The following DPYSL3 variants were observed in gnomAD, a reference collection of about 807,000 sequenced individuals.
The protein encoded by DPYSL3 is dihydropyrimidinase like 3, also known as dihydropyrimidinase-related protein 3.
Under a neutral mutation model 66.1 loss-of-function variants are expected in DPYSL3, and 16 were observed. The observed-to-expected ratio is 0.24, with a 90% CI of 0.16 to 0.37. The LOEUF (loss-of-function observed/expected upper bound fraction) is 0.37. Among genes scored for constraint, DPYSL3 ranks in the 10% least tolerant of loss-of-function variants. The pLI is 1.00. For synonymous variants in DPYSL3, 338 were observed against 345.1 expected (o/e 0.98, Z 0.23); for missense variants, 738 against 916.2 (o/e 0.81, Z 2.51).
In DPYSL3 at chr5:147,485,286, T is replaced by C. The variant is rs148072205; in HGVS notation, c.381+24192A>G. Among the ~76,000 whole-genome samples, 20 of 152,312 alleles carry C rather than the reference T, an allele frequency of 1.3e-4. No homozygotes were observed. In the East Asian group the frequency reaches 3.7e-3, roughly 28 times the overall value. Reference sequence around the variant, plus strand: ...TTGGAGATTTAGACAAAATTCTTGCTTTGTGAGCTGTCTGAGTTCATGCAG... The same window carrying C: ...TTGGAGATTTAGACAAAATTCTTGCCTTGTGAGCTGTCTGAGTTCATGCAG... On this transcript the variant is annotated intron_variant, in intron 1 of 13. Transcript: ENST00000343218.
At chr5:147,432,916 C>T (rs961082124) in intron 1 of DPYSL3, among the ~76,000 whole-genome samples, 7 of 152,108 alleles carry the variant, frequency 4.6e-5, no homozygotes, top group South Asian at 2.1e-4. Flanking sequence ...CTGCTGCCTT[C>T]GAGAGGGCTC....
intron 1 of DPYSL3, among the ~76,000 whole-genome samples, chr5:147,426,033 CCATCCATCCATT>C (rs1184549399): frequency 1.3e-5 from 2 of 151,998 alleles, no homozygotes; most frequent in East Asian, 1.9e-4. Context: ...ATCCATCCAT[CCATCCATCCATT>C]CATCCATCCA....
intron 1 of DPYSL3, among the ~76,000 whole-genome samples, chr5:147,443,487 G>T (rs528189569): frequency 4.9e-4 from 75 of 152,084 alleles, no homozygotes; most frequent in African/African-American, 1.7e-3. Context: ...TTGGGGGTTG[G>T]GGGGGTGATG....
chr5:147,457,469 T>C (rs1752870669), intron 1 of DPYSL3, among the ~76,000 whole-genome samples: 1 of 152,230 alleles, frequency 6.6e-6, no homozygotes, highest in Non-Finnish European at 1.5e-5. Context: ...GAAGAACTTT[T>C]CTGGAACTAA....
Position 147,507,597 on chromosome 5 carries a change from T to C in DPYSL3, c.381+1881A>G, listed in dbSNP as rs947689521. On this transcript the variant is annotated intron_variant, in intron 1 of 13. Coordinates refer to ENST00000343218, the MANE Select transcript of DPYSL3 (RefSeq NM_001197294.2). ...AGGAAATAAACAACAAGTTCAGAACTTGATAACCTCCGTGGTCTCTTCTAA... is the reference window on the plus strand; with the variant it reads ...AGGAAATAAACAACAAGTTCAGAACCTGATAACCTCCGTGGTCTCTTCTAA... 2.0e-5 allele frequency among the ~76,000 whole-genome samples: 3 copies of C among 152,314 alleles called. No individual in the cohort carries two copies. In the South Asian group the frequency reaches 6.2e-4, roughly 32 times the overall value.
chr5:147,392,335 C>T lies in DPYSL3; in HGVS notation c.*1700G>A, dbSNP rs1757835513. On this transcript the variant is annotated 3_prime_UTR_variant, in exon 14 of 14. Coordinates refer to ENST00000343218, the MANE Select transcript of DPYSL3 (RefSeq NM_001197294.2). ...TAGCTTGCTAGGGGAAATCCTGTTC[C>T]TTGGCTATCTCCAAATTCCTTTGTA... 6.6e-6 allele frequency: 1 copy of T among 152,166 alleles called. No homozygotes were observed. The highest frequency in any genetic ancestry group is 1.5e-5 in the Non-Finnish European group (1 of 68,022). 9.4% of individuals were successfully genotyped at this position (152,166 alleles called of 1,614,324 possible). A position where few individuals can be genotyped will look rare whatever the true frequency, so the allele number is the denominator to read the frequency against.
intron 1 of DPYSL3, among the ~76,000 whole-genome samples, chr5:147,499,745 C>T (rs2126457639): frequency 6.6e-6 from 1 of 152,156 alleles, no homozygotes; most frequent in East Asian, 1.9e-4. Flanking sequence ...CCCAGAATAG[C>T]CAATGTTGAA....
At chr5:147,505,384 A>T (rs1354813294) in intron 1 of DPYSL3, among the ~76,000 whole-genome samples, 1 of 151,978 alleles carries the variant, frequency 6.6e-6, no homozygotes, top group African/African-American at 2.4e-5. Context: ...ACAGGTGCCC[A>T]CCACCACGCC....
chr5:147,491,612 T>C (rs1016712661), intron 1 of DPYSL3, among the ~76,000 whole-genome samples: 3 of 151,626 alleles, frequency 2.0e-5, no homozygotes, highest in South Asian at 2.1e-4. Flanking sequence ...CAAAAAGAAA[T>C]GCTAGAGATA....
chr5:147,418,637 GAAAC>G lies in DPYSL3; in HGVS notation c.471-10_471-7del, dbSNP rs754064518. On this transcript the variant is annotated splice_region_variant and splice_polypyrimidine_tract_variant and intron_variant, in intron 2 of 13. Transcript: ENST00000343218. ...TCAGATTGTCTCCAATTTGTCTGGT[GAAAC>G]AAACAAACAAAAAAATGATCAAACA... 13 of 1,560,362 alleles carry G rather than the reference GAAAC, an allele frequency of 8.3e-6. No individual in the cohort carries two copies. Among genetic ancestry groups the G allele is most frequent in the African/African-American group, 5.5e-5 (4 of 73,128 alleles).
Position 147,413,536 on chromosome 5 carries a change from A to G in DPYSL3, c.882+60T>C, listed in dbSNP as rs370097463. The G allele has an allele frequency of 3.4e-4, 471 of 1,370,584 alleles. 10 individuals are homozygous for G. The South Asian group carries it at 5.2e-3, about 15-fold the overall frequency. The allele number at this position is 1,370,584 out of a possible 1,614,324, so 84.9% of individuals were successfully genotyped here. ...GATTCATGTTACAAGGGCCAAGGTCATCAACAACAATAGGAAACCCATCCA... is the reference window on the plus strand; with the variant it reads ...GATTCATGTTACAAGGGCCAAGGTCGTCAACAACAATAGGAAACCCATCCA... On this transcript the variant is annotated intron_variant, in intron 5 of 13. Transcript: ENST00000343218.
chr5:147,406,698 A>G (rs1299618558), intron 7 of DPYSL3, among the ~76,000 whole-genome samples: 1 of 152,230 alleles, frequency 6.6e-6, no homozygotes, highest in Non-Finnish European at 1.5e-5. Flanking sequence ...TGTGTAAGTT[A>G]GTCCAATTCA....
intron 1 of DPYSL3, among the ~76,000 whole-genome samples, chr5:147,443,118 A>T (rs1419953496): frequency 6.6e-6 from 1 of 152,232 alleles, no homozygotes; most frequent in Non-Finnish European, 1.5e-5. Context: ...ACTTAAAAAA[A>T]ATATTGACCC....
At chr5:147,422,888 A>ATT (rs1752111400) in intron 2 of DPYSL3, among the ~76,000 whole-genome samples, 1 of 152,092 alleles carries the variant, frequency 6.6e-6, no homozygotes, top group Non-Finnish European at 1.5e-5. Flanking sequence ...GCATTAGGAG[A>ATT]AATACCTAAT....
intron 8 of DPYSL3, among the ~76,000 whole-genome samples, chr5:147,402,235 C>T (rs1168652340): frequency 6.6e-6 from 1 of 152,204 alleles, no homozygotes; most frequent in Non-Finnish European, 1.5e-5. Context: ...GGCCCAAAGT[C>T]CCAAATGTGC....
chr5:147,408,053 G>A (rs948831266), intron 7 of DPYSL3, among the ~76,000 whole-genome samples: 1 of 152,176 alleles, frequency 6.6e-6, no homozygotes, highest in Non-Finnish European at 1.5e-5. Flanking sequence ...GGTTTGGAAT[G>A]ACAGGACAGA....
chr5:147,497,070 A>AT (rs1753528146), intron 1 of DPYSL3, among the ~76,000 whole-genome samples: 1 of 152,246 alleles, frequency 6.6e-6, no homozygotes, highest in African/African-American at 2.4e-5. Flanking sequence ...CTATGCAGCC[A>AT]TAAAAAATGA....
Position 147,395,692 on chromosome 5 carries a change from G to A in DPYSL3, c.1833C>T (p.Gly611=). The A allele has an allele frequency of 6.2e-7, 1 of 1,614,048 alleles. No individual in the cohort carries two copies. Among genetic ancestry groups the A allele is most frequent in the Non-Finnish European group, 8.5e-7 (1 of 1,180,048 alleles). The change falls in exon 13 of 14, where the codon GGC becomes GGT. Residue 611 remains glycine (G), a synonymous_variant. Coordinates refer to ENST00000343218, the MANE Select transcript of DPYSL3 (RefSeq NM_001197294.2). ...KMADLHAVPR[G]MYDGPVFDLT... is the part of the protein sequence containing the mutation. ...GGTCAAACACAGGCCCATCGTACAT[G>A]CCCCTTGGGACGGCATGCAGGTCTG...
At chr5:147,456,016 TGTGTTCTTCTGGATCC>T (rs1199039124) in intron 1 of DPYSL3, among the ~76,000 whole-genome samples, 8 of 152,314 alleles carry the variant, frequency 5.3e-5, no homozygotes, top group African/African-American at 1.9e-4. Context: ...GCAATTGCAA[TGTGTTCTTCTGGATCC>T]GGCTGCTGTG....
Sources: allele counts gnomAD v4.1 joint callset (sites outside exome capture counted in the v4.1 genomes callset), GRCh38; gene constraint gnomAD v4.1.1; transcripts MANE v1.5; gene names NCBI Gene and HGNC (gene_info 2026-07-23, HGNC 2026-07-21).